The following RETREG1 variants were observed in gnomAD, a reference collection of about 807,000 sequenced individuals.
RETREG1 encodes the protein reticulophagy regulator 1, also known as family with sequence similarity 134 member B.
A neutral mutation model predicts 54.8 loss-of-function variants in RETREG1; 44 were observed. That is an observed-to-expected ratio of 0.80 (90% CI 0.63 to 1.03). The LOEUF (loss-of-function observed/expected upper bound fraction) is 1.03. Ranked by LOEUF, RETREG1 falls within the 50% of genes least tolerant of loss-of-function variation. The pLI, the probability that RETREG1 is intolerant of heterozygous loss-of-function variation, is 0.00. For missense variants in RETREG1, 554 were observed against 605.1 expected (o/e 0.92, Z 0.89); for synonymous variants, 217 against 238.5 (o/e 0.91, Z 0.83).
At chr5:16,480,031 A>G (rs934838768) in intron 5 of RETREG1, among the ~76,000 whole-genome samples, 1 of 152,058 alleles carries the variant, frequency 6.6e-6, no homozygotes, top group African/African-American at 2.4e-5. Context: ...AAATTTTGAC[A>G]TATGCATACA....
At chr5:16,559,271 G>GA (rs1390760355) in intron 3 of RETREG1, among the ~76,000 whole-genome samples, 1 of 151,574 alleles carries the variant, frequency 6.6e-6, no homozygotes, top group East Asian at 1.9e-4. Flanking sequence ...ACAGGCTGAG[G>GA]ACGCCCACAA....
intron 2 of RETREG1, among the ~76,000 whole-genome samples, 161 bp downstream of exon 2, chr5:16,571,835 G>C (rs1465888645): frequency 6.6e-6 from 1 of 152,162 alleles, no homozygotes; most frequent in Non-Finnish European, 1.5e-5. Flanking sequence ...TAGCTACAAA[G>C]ACAGCACCAC....
At chr5:16,520,815 C>T (rs77728818) in intron 3 of RETREG1, among the ~76,000 whole-genome samples, 5,866 of 152,206 alleles carry the variant, frequency 0.039, 394 homozygotes, top group African/African-American at 0.13. Context: ...TTGCCCCTCA[C>T]TGGTGGCTTC....
intron 1 of RETREG1, among the ~76,000 whole-genome samples, chr5:16,605,356 G>A (rs561837146): frequency 1.3e-5 from 2 of 152,176 alleles, no homozygotes; most frequent in Admixed American, 6.5e-5. Flanking sequence ...TAGCCCCTTC[G>A]TCCTCCCCAG....
intron 3 of RETREG1, among the ~76,000 whole-genome samples, chr5:16,536,580 G>A (rs1741081085): frequency 6.6e-6 from 1 of 151,956 alleles, no homozygotes; most frequent in East Asian, 1.9e-4. Flanking sequence ...CCAGGACACA[G>A]GACAAACATG....
intron 3 of RETREG1, among the ~76,000 whole-genome samples, chr5:16,483,741 C>T (rs1738907697): frequency 6.6e-6 from 1 of 152,068 alleles, no homozygotes; most frequent in Non-Finnish European, 1.5e-5. Flanking sequence ...AATGAAGAGT[C>T]ATTTTAAAAC....
Position 16,475,085 on chromosome 5 carries a change from G to A in RETREG1, c.1150C>T (p.His384Tyr). 6.2e-7 allele frequency: 1 copy of A among 1,613,954 alleles called. No homozygotes were observed. Among genetic ancestry groups the A allele is most frequent in the South Asian group, 1.1e-5 (1 of 91,064 alleles). Residue 384 changes from histidine to tyrosine, a missense_variant, in exon 9 of 9, where the codon CAC becomes TAC. Around this residue, in one of 4 missense-constraint regions of RETREG1, gnomAD observed 347 missense variants for 412.3 expected, o/e 0.84. Transcript: ENST00000306320. The stretch of plus-strand genomic sequence containing the variant: ...GATTGCGTCTCTTTGCTTGGTCTGT[G>A]ACCACTGTCCAACTGTTCCTTCTTT... ...KRKKEQLDSG[H>Y]RPSKETQSAA...
At chr5:16,541,309 A>G (rs557890070) in intron 3 of RETREG1, among the ~76,000 whole-genome samples, 102 of 152,322 alleles carry the variant, frequency 6.7e-4, no homozygotes, top group African/African-American at 2.4e-3. Flanking sequence ...TACCCAGTCT[A>G]AGGTATTTTG....
rs146003812 is a variant in RETREG1 at position 16,574,545 on chromosome 5, A to C, written c.321-2443T>G. 1.1e-4 allele frequency among the ~76,000 whole-genome samples: 17 copies of C among 152,302 alleles called. No individual in the cohort carries two copies. The East Asian group carries it at 3.1e-3, about 28-fold the overall frequency. ...CCCTCCACCAGAAGGTGGCCAACCCAAGCTCTCACTGGTTCAAATGCTGTT... is the reference window on the plus strand; with the variant it reads ...CCCTCCACCAGAAGGTGGCCAACCCCAGCTCTCACTGGTTCAAATGCTGTT... On this transcript the variant is annotated intron_variant, in intron 1 of 8. Transcript: ENST00000306320.
In RETREG1 at chr5:16,475,119, C is replaced by A; in HGVS notation, c.1116G>T (p.Glu372Asp). 6.2e-7 allele frequency: 1 copy of A among 1,613,986 alleles called. No individual in the cohort carries two copies. The stretch of plus-strand genomic sequence containing the variant: ...CCAACTGTTCCTTCTTTCTCTTGAG[C>A]TCAGTGGGCAAACCAAGGCTTAATT... The part of the protein sequence containing the change: ...EDELSLGLPT[E>D]LKRKKEQLDS... The change falls in exon 9 of 9, where the codon GAG (glutamate) becomes GAT (aspartate). Residue 372 changes from glutamate (E) to aspartate (D), a missense_variant. Physicochemically the swap from Glu to Asp is conservative, Grantham distance 45 (BLOSUM62 2). Around this residue, in one of 4 missense-constraint regions of RETREG1, gnomAD observed 347 missense variants for 412.3 expected, o/e 0.84. Coordinates refer to ENST00000306320, the MANE Select transcript of RETREG1 (RefSeq NM_001034850.3).
chr5:16,514,965 T>TTA (rs916330590), intron 3 of RETREG1, among the ~76,000 whole-genome samples: 128 of 147,386 alleles, frequency 8.7e-4, no homozygotes, highest in Admixed American at 1.1e-3. Context: ...TGTATATATA[T>TTA]TATATATATA....
At chr5:16,589,882 G>A (rs2451850) in intron 1 of RETREG1, among the ~76,000 whole-genome samples, 20,539 of 152,164 alleles carry the variant, frequency 0.13, 1,404 homozygotes, top group Non-Finnish European at 0.16. Flanking sequence ...ACTTTGATGA[G>A]CAGGGCCACC....
At chr5:16,569,643 C>T (rs974058476) in intron 2 of RETREG1, among the ~76,000 whole-genome samples, 10 of 152,322 alleles carry the variant, frequency 6.6e-5, no homozygotes, top group African/African-American at 2.2e-4. Flanking sequence ...TGCCATTTCA[C>T]AGGACAGAGA....
intron 3 of RETREG1, among the ~76,000 whole-genome samples, chr5:16,540,961 A>G (rs955960539): frequency 8.5e-5 from 13 of 152,350 alleles, no homozygotes; most frequent in African/African-American, 3.1e-4. Context: ...TGACAGGTAA[A>G]CAAGTACTTA....
chr5:16,483,363 G>A lies in RETREG1; in HGVS notation c.568C>T (p.Gln190Ter). ...AAACTTGCCTTGCCAGGGCTCTGCT[G>A]TTTAAAAAGAGACATTTCTTGAAGA... is the stretch of plus-strand genomic sequence containing the variant. ...IFLQEMSLFK[Q>*]QSPGKFCLLV... The change falls in exon 4 of 9, where the codon CAG becomes TAG. Residue 190 changes from glutamine to a stop codon, truncating the protein, a stop_gained. Transcript: ENST00000306320. LOFTEE classifies it high-confidence loss of function. 2 of 1,613,322 alleles carry A rather than the reference G, an allele frequency of 1.2e-6. No individual in the cohort carries two copies. The highest frequency in any genetic ancestry group is 1.7e-6 in the Non-Finnish European group (2 of 1,179,372).
At chr5:16,476,669 G>A (rs1049584547) in intron 8 of RETREG1, among the ~76,000 whole-genome samples, 1 of 151,256 alleles carries the variant, frequency 6.6e-6, no homozygotes, top group Non-Finnish European at 1.5e-5. Context: ...CAAACACACT[G>A]CCTGTTCTCA....
intron 3 of RETREG1, among the ~76,000 whole-genome samples, chr5:16,530,638 C>T (rs1740884565): frequency 6.6e-6 from 1 of 152,052 alleles, no homozygotes; most frequent in Non-Finnish European, 1.5e-5. Context: ...TTTGGGAGGC[C>T]GAGATGAGTG....
At chr5:16,601,285 T>G (rs1008753766) in intron 1 of RETREG1, among the ~76,000 whole-genome samples, 3 of 100,946 alleles carry the variant, frequency 3.0e-5, no homozygotes, top group African/African-American at 1.0e-4. Flanking sequence ...GGAGGATCGC[T>G]TAAGCTATGA....
At chr5:16,552,680 A>G (rs958337854) in intron 3 of RETREG1, among the ~76,000 whole-genome samples, 10 of 152,064 alleles carry the variant, frequency 6.6e-5, no homozygotes, top group Admixed American at 2.6e-4. Flanking sequence ...AGTCCCTGTT[A>G]ATTTTTTTCA....
Sources: allele counts gnomAD v4.1 joint callset (sites outside exome capture counted in the v4.1 genomes callset), GRCh38; gene constraint gnomAD v4.1.1; regional missense constraint gnomAD v4.1.1; transcripts MANE v1.5; gene names NCBI Gene and HGNC (gene_info 2026-07-23, HGNC 2026-07-21).